The following KDM6A variants were observed in gnomAD, a reference collection of about 807,000 sequenced individuals.
KDM6A encodes the protein lysine-specific demethylase 6A.
A neutral mutation model predicts 117.6 loss-of-function variants in KDM6A; 11 were observed. The ratio of observed to expected loss-of-function variants is 0.09; its 90% CI spans 0.06 to 0.15. The LOEUF (loss-of-function observed/expected upper bound fraction) is 0.15, where lower values mean the gene tolerates loss of function less well. Among genes scored for constraint, KDM6A ranks in the 10% least tolerant of loss-of-function variants. KDM6A has a pLI of 1.00. For missense variants in KDM6A, 799 were observed against 1,077.3 expected, an observed-to-expected ratio of 0.74 and a Z score of 3.62; for synonymous variants, 384 against 396.1, an observed-to-expected ratio of 0.97 and a Z score of 0.36.
intron 17 of KDM6A, among the ~76,000 whole-genome samples, chrX:45,066,460 G>A (rs764351877): frequency 8.9e-6 from 1 of 111,781 alleles, no homozygotes; most frequent in East Asian, 2.8e-4. Context: ...AAGTCAATGG[G>A]AAAGATTCAG....
chrX:44,950,636 T>C (rs746588619), intron 2 of KDM6A, among the ~76,000 whole-genome samples: 2 of 110,736 alleles, frequency 1.8e-5, no homozygotes, highest in Non-Finnish European at 3.8e-5. Context: ...CATTAATTCA[T>C]GTGGTTGCAT....
chrX:44,962,050 ATTATT>A (rs2038696592), intron 3 of KDM6A, among the ~76,000 whole-genome samples: 1 of 111,743 alleles, frequency 8.9e-6, no homozygotes, highest in Non-Finnish European at 1.9e-5. Context: ...AAAGAAAATT[ATTATT>A]ATGACCAAGA....
intron 3 of KDM6A, among the ~76,000 whole-genome samples, chrX:44,966,572 G>A (rs1006622937): frequency 9.0e-6 from 1 of 111,153 alleles, no homozygotes; most frequent in Admixed American, 9.6e-5. Context: ...GAGTAATCTA[G>A]TAAGGTGAGA....
intron 2 of KDM6A, among the ~76,000 whole-genome samples, chrX:44,901,377 T>C (rs914131615): frequency 4.5e-4 from 50 of 110,629 alleles, no homozygotes; most frequent in African/African-American, 1.6e-3. Context: ...TATATATATA[T>C]ACGGGGACTT....
At chrX:45,059,969 C>A (rs1481114888) in intron 12 of KDM6A, 53 bp from the exon 13 acceptor site, 24 of 1,183,278 alleles carry the variant, frequency 2.0e-5, no homozygotes, top group Non-Finnish European at 2.7e-5. Context: ...AGTGGACTTG[C>A]TCTTACTCAA....
intron 7 of KDM6A, 130 bp downstream of exon 7, chrX:45,035,115 C>A: frequency 3.6e-6 from 2 of 560,785 alleles, no homozygotes; most frequent in Non-Finnish European, 6.0e-6. Flanking sequence ...GTATTGGTTG[C>A]CATGGCTACT....
rs181055032 is a variant in KDM6A at position 45,080,962 on chromosome X, C to T, written c.3300+1611C>T. 3.5e-3 allele frequency among the ~76,000 whole-genome samples: 395 copies of T among 111,950 alleles called. 2 individuals are homozygous for T. In the Middle Eastern group the frequency reaches 0.038, roughly 11 times the overall value. On this transcript the variant is annotated intron_variant, in intron 21 of 29. Transcript: ENST00000611820. ...TTGTTGTTTTTTTGAGACGGAGTTT[C>T]GCTCTTGTTGCCCAGGCTGGAGTGC... is the stretch of plus-strand genomic sequence containing the variant.
At chrX:44,886,592 C>T (rs949703864) in intron 2 of KDM6A, among the ~76,000 whole-genome samples, 2 of 106,642 alleles carry the variant, frequency 1.9e-5, no homozygotes, top group African/African-American at 3.4e-5. Context: ...CGGGTTCAAG[C>T]GATTCTCTTG....
In KDM6A at chrX:45,112,243, TGTTTA is replaced by T. The variant is rs1350750304; in HGVS notation, c.*833_*837del. 1 of 148,896 alleles carries T rather than the reference TGTTTA, an allele frequency of 6.7e-6. No homozygotes were observed. The highest frequency in any genetic ancestry group is 3.1e-5 in the African/African-American group (1 of 32,321). The allele number at this position is 148,896 out of a possible 1,213,427, so 12.3% of individuals were successfully genotyped here. ...AGAAACTTTTATTAAAATTGTTTAA[TGTTTA>T]AAGAGTTTTCTATTGTTTGAGTTTT... On this transcript the variant is annotated 3_prime_UTR_variant, in exon 30 of 30. Coordinates refer to ENST00000611820, the MANE Select transcript of KDM6A (RefSeq NM_001291415.2).
chrX:44,902,946 A>G (rs903903607), intron 2 of KDM6A, among the ~76,000 whole-genome samples: 2 of 111,343 alleles, frequency 1.8e-5, no homozygotes, highest in African/African-American at 6.5e-5. Context: ...TTAGGTTATT[A>G]ATCCCATTCA....
At chrX:45,111,262 G>T (rs1027813455) in intron 29 of KDM6A, 120 bp from the exon 30 acceptor site, 4 of 562,753 alleles carry the variant, frequency 7.1e-6, no homozygotes, top group Non-Finnish European at 1.2e-5. Context: ...ATGTTGCATA[G>T]CAGGCTGTTG....
intron 4 of KDM6A, among the ~76,000 whole-genome samples, chrX:45,007,693 C>T (rs753190425): frequency 3.6e-5 from 4 of 112,089 alleles, no homozygotes; most frequent in African/African-American, 6.5e-5. Context: ...AGTGATCACT[C>T]CTGCCTTTAT....
intron 2 of KDM6A, among the ~76,000 whole-genome samples, chrX:44,930,776 A>C (rs761585964): frequency 2.7e-5 from 3 of 112,240 alleles, no homozygotes; most frequent in Non-Finnish European, 5.6e-5. Context: ...GCAATCTGAA[A>C]AATTATGGAT....
intron 2 of KDM6A, among the ~76,000 whole-genome samples, chrX:44,923,771 G>T (rs758659909): frequency 9.0e-6 from 1 of 110,522 alleles, no homozygotes; most frequent in East Asian, 2.9e-4. Flanking sequence ...GGCCCATGCT[G>T]GAGTGCAGTG....
intron 2 of KDM6A, among the ~76,000 whole-genome samples, chrX:44,901,145 C>T (rs1391639482): frequency 9.0e-6 from 1 of 111,039 alleles, no homozygotes; most frequent in East Asian, 2.8e-4. Flanking sequence ...CTTTGGGAGG[C>T]CATGGCGGGC....
intron 2 of KDM6A, among the ~76,000 whole-genome samples, chrX:44,943,592 C>T (rs1034564046): frequency 2.7e-5 from 3 of 112,044 alleles, no homozygotes; most frequent in Non-Finnish European, 3.8e-5. Flanking sequence ...AGCATGTGTT[C>T]GAGATTGACC....
At position 44,897,379 on chromosome X, in the gene KDM6A, G is replaced by A. The variant is rs1054708946; in HGVS notation, c.225+23392G>A. Among the ~76,000 whole-genome samples, 7 of 108,624 alleles carry A rather than the reference G, an allele frequency of 6.4e-5. No individual in the cohort carries two copies. In the East Asian group the frequency reaches 8.6e-4, roughly 13 times the overall value. 94.3% of individuals were successfully genotyped at this position (108,624 alleles called of 115,157 possible). On this transcript the variant is annotated intron_variant, in intron 2 of 29. Coordinates refer to ENST00000611820, the MANE Select transcript of KDM6A (RefSeq NM_001291415.2). ...AGCAGTTGCAATTGCTTGTTGAAGC[G>A]TTTTGTTGACTGCTTTAAAATCTTT...
chrX:44,927,870 A>G (rs2036396497), intron 2 of KDM6A, among the ~76,000 whole-genome samples: 1 of 111,968 alleles, frequency 8.9e-6, no homozygotes, highest in Middle Eastern at 4.6e-3. Flanking sequence ...GTCATACACT[A>G]TTGAGAAGAC....
At chrX:45,058,712 G>A (rs1436268128) in intron 10 of KDM6A, among the ~76,000 whole-genome samples, 1 of 110,491 alleles carries the variant, frequency 9.1e-6, no homozygotes, top group African/African-American at 3.3e-5. Flanking sequence ...TGTGCATGCA[G>A]CTCTCAGTAT....
Sources: allele counts gnomAD v4.1 joint callset (sites outside exome capture counted in the v4.1 genomes callset), GRCh38; gene constraint gnomAD v4.1.1; transcripts MANE v1.5; gene names NCBI Gene and HGNC (gene_info 2026-07-23, HGNC 2026-07-21).